Variants in NELL1 observed in about 807,000 individuals in gnomAD.
NELL1 encodes the protein protein kinase C-binding protein NELL1.
A neutral mutation model predicts 107.4 loss-of-function variants in NELL1; 76 were observed. The observed-to-expected ratio is 0.71, with a 90% CI of 0.59 to 0.86. The LOEUF (loss-of-function observed/expected upper bound fraction) is 0.86, where lower values mean the gene tolerates loss of function less well. Among genes scored for constraint, NELL1 ranks in the 40% least tolerant of loss-of-function variants. The probability of loss-of-function intolerance (pLI) is 0.00; values close to 1 mark genes in which losing one functional copy is unlikely to be tolerated. For missense variants in NELL1, 1,024 were observed against 1,005.5 expected (o/e 1.02, Z -0.25); for synonymous variants, 353 against 341.2 (o/e 1.03, Z -0.38).
chr11:21,307,741 C>G (rs539149308), intron 14 of NELL1, among the ~76,000 whole-genome samples: 3 of 152,034 alleles, frequency 2.0e-5, no homozygotes, highest in East Asian at 3.9e-4. Flanking sequence ...TCTAAGATAA[C>G]AGGCAAAATT....
intron 6 of NELL1, among the ~76,000 whole-genome samples, chr11:20,918,487 G>A (rs1590414389): frequency 6.6e-6 from 1 of 151,888 alleles, no homozygotes; most frequent in Non-Finnish European, 1.5e-5. Context: ...CCCTAGACTG[G>A]GTAATTTATA....
At chr11:21,405,053 G>A (rs1564878683) in intron 15 of NELL1, among the ~76,000 whole-genome samples, 2 of 152,134 alleles carry the variant, frequency 1.3e-5, no homozygotes, top group South Asian at 2.1e-4. Context: ...AAAGGTTTGG[G>A]GTTAAAATTC....
intron 2 of NELL1, among the ~76,000 whole-genome samples, chr11:20,750,692 T>C (rs529139381): frequency 1.3e-5 from 2 of 152,150 alleles, no homozygotes; most frequent in East Asian, 3.9e-4. Context: ...GCTCAGGTGA[T>C]CCTCCCGTCT....
At chr11:21,523,393 A>AT (rs903557031) in intron 15 of NELL1, among the ~76,000 whole-genome samples, 33 of 151,928 alleles carry the variant, frequency 2.2e-4, no homozygotes, top group Admixed American at 1.9e-3. Context: ...ACTATTTTGC[A>AT]TTTTTTTAAA....
chr11:21,304,101 A>C (rs1386836090), intron 14 of NELL1, among the ~76,000 whole-genome samples: 9 of 152,022 alleles, frequency 5.9e-5, no homozygotes, highest in Non-Finnish European at 1.0e-4. Context: ...CATTCAAACC[A>C]TTTTGAATGG....
At chr11:21,366,790 T>A (rs1851232509) in intron 14 of NELL1, among the ~76,000 whole-genome samples, 1 of 152,108 alleles carries the variant, frequency 6.6e-6, no homozygotes, top group Admixed American at 6.6e-5. Context: ...TTCTAACAGA[T>A]GGTGTTGAAA....
Position 21,232,223 on chromosome 11 carries a change from G to A in NELL1, c.1549+2769G>A, listed in dbSNP as rs549813789. On this transcript the variant is annotated intron_variant, in intron 14 of 19. Transcript: ENST00000357134. ...TGTCCACCTGTAATCCCAGCTACTC[G>A]GGAGGCTGAGGCAGGCGAATTGCTC... 1.2e-3 allele frequency among the ~76,000 whole-genome samples: 183 copies of A among 147,688 alleles called. 4 individuals are homozygous for A. The South Asian group carries it at 0.036, about 29-fold the overall frequency.
chr11:21,423,210 CA>C (rs1006871522), intron 15 of NELL1, among the ~76,000 whole-genome samples: 26 of 148,314 alleles, frequency 1.8e-4, no homozygotes, highest in Non-Finnish European at 3.7e-4. Context: ...ACTAAAAATA[CA>C]AAAAAAAAAT....
chr11:20,812,184 A>C (rs1857514561), intron 3 of NELL1, among the ~76,000 whole-genome samples: 1 of 152,156 alleles, frequency 6.6e-6, no homozygotes, highest in Non-Finnish European at 1.5e-5. Flanking sequence ...TTCTGCATCT[A>C]TTGAGATGAT....
At chr11:21,108,241 C>T (rs1225331735) in intron 12 of NELL1, among the ~76,000 whole-genome samples, 3 of 151,978 alleles carry the variant, frequency 2.0e-5, no homozygotes, top group African/African-American at 4.8e-5. Flanking sequence ...TTCTTTGCAT[C>T]GCTTCTATCG....
At chr11:21,427,777 A>G (rs1159152739) in intron 15 of NELL1, among the ~76,000 whole-genome samples, 1 of 152,196 alleles carries the variant, frequency 6.6e-6, no homozygotes, top group African/African-American at 2.4e-5. Context: ...TAGGTAAAAG[A>G]AACCCAAGAA....
chr11:21,399,056 T>A (rs1852040437), intron 15 of NELL1, among the ~76,000 whole-genome samples: 1 of 144,876 alleles, frequency 6.9e-6, no homozygotes, highest in African/African-American at 2.5e-5. Flanking sequence ...AAAAAAAAAA[T>A]ATTAGACGAG....
intron 15 of NELL1, among the ~76,000 whole-genome samples, chr11:21,514,225 C>A (rs1192369876): frequency 1.3e-5 from 2 of 152,080 alleles, no homozygotes; most frequent in Non-Finnish European, 2.9e-5. Context: ...TAACAAATAA[C>A]AATTTAACAT....
chr11:20,946,792 T>C (rs1045237530), intron 10 of NELL1, among the ~76,000 whole-genome samples: 4 of 152,174 alleles, frequency 2.6e-5, no homozygotes, highest in African/African-American at 9.7e-5. Context: ...TGGTTTCTAG[T>C]TTATGAGGCT....
At chr11:20,842,964 ATAGT>A (rs1848645770) in intron 3 of NELL1, among the ~76,000 whole-genome samples, 1 of 152,160 alleles carries the variant, frequency 6.6e-6, no homozygotes, top group South Asian at 2.1e-4. Flanking sequence ...TTTTGTTATC[ATAGT>A]TATTATTATT....
At chr11:21,330,046 T>C (rs1049530107) in intron 14 of NELL1, among the ~76,000 whole-genome samples, 1 of 152,146 alleles carries the variant, frequency 6.6e-6, no homozygotes, top group African/African-American at 2.4e-5. Context: ...TTACCATTGT[T>C]GGTTCTCTTC....
At chr11:21,254,546 G>A (rs1858722071) in intron 14 of NELL1, among the ~76,000 whole-genome samples, 1 of 152,076 alleles carries the variant, frequency 6.6e-6, no homozygotes, top group Non-Finnish European at 1.5e-5. Flanking sequence ...TTGGACAGCA[G>A]GAGAGTTAAC....
At chr11:21,287,929 A>C (rs571144523) in intron 14 of NELL1, among the ~76,000 whole-genome samples, 2 of 152,176 alleles carry the variant, frequency 1.3e-5, no homozygotes, top group African/African-American at 4.8e-5. Context: ...CTATAGCATC[A>C]GAACCTAGGA....
At chr11:20,743,498 GTCTTT>G (rs2133936495) in intron 2 of NELL1, among the ~76,000 whole-genome samples, 1 of 152,198 alleles carries the variant, frequency 6.6e-6, no homozygotes, top group African/African-American at 2.4e-5. Context: ...ACTTTTCCTG[GTCTTT>G]TCTTTATTTT....
Sources: gnomAD v4.1 joint callset for allele counts (sites outside exome capture counted in the v4.1 genomes callset) on GRCh38, gnomAD v4.1.1 for gene constraint, MANE v1.5 for transcripts, NCBI Gene and HGNC (gene_info 2026-07-23, HGNC 2026-07-21) for gene names.